ARK2N: variants seen among roughly 807,000 people sequenced by gnomAD.
The protein encoded by ARK2N is arkadia (RNF111) N-terminal like PKA signaling regulator 2N.
At chr18:46,232,602 C>G in the ARK2N span, 1 of 152,084 alleles carries the variant, frequency 6.6e-6, no homozygotes, top group South Asian at 2.1e-4. Flanking sequence ...AGTTTCTTTA[C>G]TCATTTTTCC....
At chr18:46,249,717 A>G in the ARK2N span, among the ~76,000 whole-genome samples, 1 of 152,208 alleles carries the variant, frequency 6.6e-6, no homozygotes, top group Non-Finnish European at 1.5e-5. Flanking sequence ...ATATACACAT[A>G]CATACAAACA....
chr18:46,224,969 G>A, the ARK2N span, among the ~76,000 whole-genome samples: 1 of 152,232 alleles, frequency 6.6e-6, no homozygotes, highest in Non-Finnish European at 1.5e-5. Context: ...GAGTGCCCAG[G>A]GAAGTTACAG....
the ARK2N span, among the ~76,000 whole-genome samples, chr18:46,259,243 C>CTT: frequency 1.5e-3 from 200 of 136,654 alleles, 2 homozygotes; most frequent in African/African-American, 4.8e-3. Context: ...TTCTTTCTTT[C>CTT]TTTTTTTTTT....
chr18:46,195,266 C>CT, the ARK2N span, among the ~76,000 whole-genome samples: 1,062 of 94,458 alleles, frequency 0.011, 18 homozygotes, highest in African/African-American at 0.017. Flanking sequence ...TTTATTTAAC[C>CT]TTTTTTTTTT....
chr18:46,179,245 G>T, the ARK2N span, among the ~76,000 whole-genome samples: 1 of 151,962 alleles, frequency 6.6e-6, no homozygotes, highest in African/African-American at 2.4e-5. Context: ...GCCCAGCCCA[G>T]TGAATATAAA....
the ARK2N span, among the ~76,000 whole-genome samples, chr18:46,241,609 G>T: frequency 1.3e-5 from 2 of 151,578 alleles, no homozygotes; most frequent in African/African-American, 4.9e-5. Flanking sequence ...TGGGCGTGGT[G>T]GTGGGCGCCT....
the ARK2N span, among the ~76,000 whole-genome samples, chr18:46,246,246 G>C: frequency 2.0e-5 from 3 of 152,102 alleles, no homozygotes; most frequent in East Asian, 5.8e-4. Context: ...GGGGTGAGGC[G>C]GGGTGGGGAG....
the ARK2N span, chr18:46,218,229 A>C: frequency 3.0e-4 from 45 of 152,278 alleles, no homozygotes; most frequent in Middle Eastern, 3.4e-3. Context: ...TATTTTCCTA[A>C]TCTTCTTTCT....
At chr18:46,238,782 TC>T in the ARK2N span, among the ~76,000 whole-genome samples, 2 of 152,212 alleles carry the variant, frequency 1.3e-5, no homozygotes, top group African/African-American at 4.8e-5. Flanking sequence ...GTGTTTTTGT[TC>T]AGTGACAATT....
chr18:46,262,839 A>G, the ARK2N span: 1 of 1,328,860 alleles, frequency 7.5e-7, no homozygotes, highest in East Asian at 2.3e-5. Flanking sequence ...ATCTTAGTAA[A>G]AATGTTGATA....
the ARK2N span, among the ~76,000 whole-genome samples, chr18:46,188,726 A>G: frequency 5.9e-5 from 9 of 152,094 alleles, no homozygotes; most frequent in African/African-American, 2.2e-4. Context: ...AAAAATCAAA[A>G]TGTTGGCTGG....
chr18:46,192,236 T>A, the ARK2N span, among the ~76,000 whole-genome samples: 1 of 152,070 alleles, frequency 6.6e-6, no homozygotes, highest in African/African-American at 2.4e-5. Context: ...TATTATAGGA[T>A]GTAGTGGTAG....
the ARK2N span, among the ~76,000 whole-genome samples, chr18:46,244,285 G>C: frequency 6.6e-6 from 1 of 152,162 alleles, no homozygotes; most frequent in Admixed American, 6.5e-5. Context: ...GCTTATAGCT[G>C]TGGTAAACTG....
chr18:46,223,696 C>T, the ARK2N span, among the ~76,000 whole-genome samples: 1 of 152,118 alleles, frequency 6.6e-6, no homozygotes, highest in Non-Finnish European at 1.5e-5. Flanking sequence ...TTGGTTGATT[C>T]CATCAATCAT....
At chr18:46,232,231 T>C in the ARK2N span, 2 of 152,250 alleles carry the variant, frequency 1.3e-5, no homozygotes, top group Non-Finnish European at 2.9e-5. Context: ...ATAAGAAAGA[T>C]GGCAAACAGG....
chr18:46,180,110 T>C, the ARK2N span, among the ~76,000 whole-genome samples: 1 of 152,376 alleles, frequency 6.6e-6, no homozygotes, highest in Admixed American at 6.5e-5. Context: ...ATTTTGGCTT[T>C]AATTTACAGT....
chr18:46,204,076 A>T, the ARK2N span, among the ~76,000 whole-genome samples: 1 of 151,250 alleles, frequency 6.6e-6, no homozygotes, highest in Non-Finnish European at 1.5e-5. Context: ...GATCTGTAGT[A>T]TGTGTCTTAT....
the ARK2N span, among the ~76,000 whole-genome samples, chr18:46,210,715 G>A: frequency 1.6e-4 from 24 of 152,100 alleles, no homozygotes; most frequent in East Asian, 7.7e-4. Context: ...TGTGTAACCA[G>A]CCTGGGCAAC....
At chr18:46,193,591 GT>G in the ARK2N span, among the ~76,000 whole-genome samples, 472 of 92,396 alleles carry the variant, frequency 5.1e-3, 3 homozygotes, top group African/African-American at 0.015. Flanking sequence ...GCCCAGCCGG[GT>G]TTTTTTTTTT....
Sources: allele counts gnomAD v4.1 joint callset (sites outside exome capture counted in the v4.1 genomes callset), GRCh38; gene constraint gnomAD v4.1.1; transcripts MANE v1.5; gene names NCBI Gene and HGNC (gene_info 2026-07-23, HGNC 2026-07-21).